AHR: variants seen among roughly 807,000 people sequenced by gnomAD.
AHR encodes the protein AH-receptor.
In AHR, 40 loss-of-function variants were observed where a neutral mutation model predicts 86.8. The observed-to-expected ratio is 0.46, with a 90% confidence interval of 0.36 to 0.60. The LOEUF is 0.60. Ranked by LOEUF, AHR falls within the 20% of genes least tolerant of loss-of-function variation. AHR has a pLI of 0.00. For synonymous variants in AHR, 398 were observed against 354.9 expected (o/e 1.12, Z -1.37); for missense variants, 1,001 against 1,011.6 (o/e 0.99, Z 0.14).
rs201831181 is a variant in AHR at position 17,330,871 on chromosome 7, T to C, written c.690T>C (p.Asn230=). Residue 230 remains asparagine, a synonymous_variant, in exon 6 of 11, where the codon AAT becomes AAC. Transcript: ENST00000242057. ...GTCGTCTAAGGTGTCTGCTGGATAA[T>C]TCATCTGGTTTTCTGGTAAGGTACA... ...FICRLRCLLD[N]SSGFLAMNFQ... is the part of the protein sequence containing the mutation. The C allele has an allele frequency of 1.4e-5, 23 of 1,611,620 alleles. No homozygotes were observed. In the Admixed American group the frequency reaches 2.7e-4, roughly 19 times the overall value.
chr7:17,336,765 C>T (rs1272655434), intron 9 of AHR, among the ~76,000 whole-genome samples: 2 of 152,170 alleles, frequency 1.3e-5, no homozygotes, highest in Non-Finnish European at 2.9e-5. Context: ...TGTACCTCTA[C>T]AAATTTGTCA....
chr7:17,342,883 T>C (rs1156692890), intron 10 of AHR, 38 bp from the exon 11 acceptor site: 2 of 1,583,142 alleles, frequency 1.3e-6, no homozygotes, highest in Non-Finnish European at 1.7e-6. Flanking sequence ...ACTTGGAAGA[T>C]CTATTCCAAT....
intron 6 of AHR, among the ~76,000 whole-genome samples, chr7:17,331,994 C>T (rs1562480538): frequency 1.3e-5 from 2 of 151,900 alleles, no homozygotes; most frequent in Non-Finnish European, 2.9e-5. Context: ...AGTGTTATTG[C>T]TCATGAACAA....
intron 2 of AHR, among the ~76,000 whole-genome samples, chr7:17,313,005 A>T (rs1324789335): frequency 6.6e-6 from 1 of 152,228 alleles, no homozygotes; most frequent in Admixed American, 6.5e-5. Context: ...AAATGCAAAC[A>T]TACAAAATTT....
chr7:17,318,188 T>C (rs1039956250), intron 2 of AHR, among the ~76,000 whole-genome samples: 86 of 152,128 alleles, frequency 5.7e-4, no homozygotes, highest in African/African-American at 1.8e-3. Flanking sequence ...ATACAAAATA[T>C]AGTTTACCAC....
chr7:17,345,951 G>T lies in AHR; in HGVS notation c.*2887G>T, dbSNP rs1457534590. The stretch of plus-strand genomic sequence containing the variant: ...ACTTACCAGTATTCTAGTGTATTAT[G>T]AAGCTTTCAACATTACTATGCACAA... On this transcript the variant is annotated 3_prime_UTR_variant, in exon 11 of 11. Transcript: ENST00000242057. The T allele has an allele frequency of 6.6e-6, 1 of 152,654 alleles. No individual in the cohort carries two copies. The highest frequency in any genetic ancestry group is 1.5e-5 in the Non-Finnish European group (1 of 68,004). The allele number at this position is 152,654 out of a possible 1,614,324, so 9.5% of individuals were successfully genotyped here.
chr7:17,321,876 GA>G (rs1422609547), intron 2 of AHR, among the ~76,000 whole-genome samples: 10 of 151,978 alleles, frequency 6.6e-5, no homozygotes, highest in Non-Finnish European at 1.3e-4. Context: ...TATGTTCTTG[GA>G]TAGAATGATT....
intron 2 of AHR, among the ~76,000 whole-genome samples, chr7:17,317,120 T>TG (rs1554266154): frequency 1.3e-5 from 2 of 149,762 alleles, no homozygotes; most frequent in African/African-American, 2.4e-5. Flanking sequence ...AATTTTGTTT[T>TG]TTTTTTTTTT....
At chr7:17,322,412 T>G in intron 2 of AHR, 89 bp from the exon 3 acceptor site, 1 of 792,042 alleles carries the variant, frequency 1.3e-6, no homozygotes. Context: ...GTATTTCAAA[T>G]TGTCTTTGTT....
intron 1 of AHR, among the ~76,000 whole-genome samples, chr7:17,305,263 A>C (rs1264616840): frequency 6.6e-6 from 1 of 152,184 alleles, no homozygotes; most frequent in Admixed American, 6.6e-5. Context: ...GTTGGGGTCT[A>C]TTTGTGCTAT....
intron 7 of AHR, 145 bp downstream of exon 7, chr7:17,334,259 A>T: frequency 1.4e-6 from 1 of 717,996 alleles, no homozygotes. Flanking sequence ...GTAGCCTTTT[A>T]CAGTAAAATA....
chr7:17,317,116 G>GTTTTTTTTTTT, intron 2 of AHR, among the ~76,000 whole-genome samples: 1 of 123,680 alleles, frequency 8.1e-6, no homozygotes, highest in Middle Eastern at 5.2e-3. Flanking sequence ...GGAGAATTTT[G>GTTTTTTTTTTT]TTTTTTTTTT....
chr7:17,335,085 A>T, intron 8 of AHR, 89 bp downstream of exon 8: 4 of 903,972 alleles, frequency 4.4e-6, no homozygotes, highest in Non-Finnish European at 7.0e-6. Flanking sequence ...TAAAGTGTTT[A>T]AGTAAAGTAT....
chr7:17,330,572 TTCTA>T lies in AHR; in HGVS notation c.575-180_575-177del, dbSNP rs144971677. On this transcript the variant is annotated intron_variant, in intron 5 of 10. Transcript: ENST00000242057. ...ATAAAAATTTAAAAAATTATGCAAGTTCTATCTGATAAAAGTGATATTTAATAAA... is the reference window on the plus strand; with the variant it reads ...ATAAAAATTTAAAAAATTATGCAAGTTCTGATAAAAGTGATATTTAATAAA... Among the ~76,000 whole-genome samples, 1,088 of 152,066 alleles carry T rather than the reference TTCTA, an allele frequency of 7.2e-3. 11 individuals carry two copies. Among genetic ancestry groups the T allele is most frequent in the African/African-American group, 0.025 (1,035 of 41,538 alleles).
At chr7:17,299,387 G>A in intron 1 of AHR, 58 bp downstream of exon 1, 1 of 1,582,832 alleles carries the variant, frequency 6.3e-7, no homozygotes, top group Non-Finnish European at 8.6e-7. Flanking sequence ...ACGCGGGTGC[G>A]GGAGGCAGCC....
chr7:17,327,045 A>G (rs1011602038), intron 3 of AHR, among the ~76,000 whole-genome samples: 1 of 152,128 alleles, frequency 6.6e-6, no homozygotes, highest in Non-Finnish European at 1.5e-5. Context: ...ATCCAAACTA[A>G]AGAGTATGGG....
Position 17,339,716 on chromosome 7 carries a change from G to A in AHR, c.1891G>A (p.Val631Ile). ...QQQQHHQKQV[V>I]VEPQQQLCQK... ...ACAGCAACATCACCAAAAGCAAGTA[G>A]TAGTGGAGCCACAGCAACAGCTGTG... The change falls in exon 10 of 11, where the codon GTA becomes ATA. Residue 631 changes from valine (V) to isoleucine (I), a missense_variant. Around this residue, in one of 2 missense-constraint regions of AHR, gnomAD observed 607 missense variants for 543.1 expected, o/e 1.12. Coordinates refer to ENST00000242057, the MANE Select transcript of AHR (RefSeq NM_001621.5). 7 of 1,614,182 alleles carry A rather than the reference G, an allele frequency of 4.3e-6. No individual in the cohort carries two copies. The highest frequency in any genetic ancestry group is 5.9e-6 in the Non-Finnish European group (7 of 1,180,030).
intron 3 of AHR, among the ~76,000 whole-genome samples, chr7:17,323,475 A>G (rs1241820858): frequency 6.6e-6 from 1 of 151,792 alleles, no homozygotes; most frequent in African/African-American, 2.4e-5. Flanking sequence ...TCTTTTTTTT[A>G]GAATTGATGC....
chr7:17,301,881 A>G (rs1781958015), intron 1 of AHR, among the ~76,000 whole-genome samples: 1 of 151,946 alleles, frequency 6.6e-6, no homozygotes, highest in Non-Finnish European at 1.5e-5. Context: ...CAAGAAGAAA[A>G]TATCAAAGAT....
Sources: gnomAD v4.1 joint callset for allele counts (sites outside exome capture counted in the v4.1 genomes callset) on GRCh38, gnomAD v4.1.1 for gene constraint, gnomAD v4.1.1 regional missense constraint, MANE v1.5 for transcripts, NCBI Gene and HGNC (gene_info 2026-07-23, HGNC 2026-07-21) for gene names.